GRIP1: variants seen among roughly 807,000 people sequenced by gnomAD.
GRIP1 encodes the protein glutamate receptor interacting protein 1.
In GRIP1, 45 loss-of-function variants were observed where a neutral mutation model predicts 129.9. The ratio of observed to expected loss-of-function variants is 0.35; its 90% CI spans 0.27 to 0.44. The LOEUF (loss-of-function observed/expected upper bound fraction) is 0.44. GRIP1 is among the 20% of genes least tolerant of loss of function. The pLI, the probability that GRIP1 is intolerant of heterozygous loss-of-function variation, is 1.00. For synonymous variants in GRIP1, 530 were observed against 520.8 expected, an observed-to-expected ratio of 1.02 and a Z score of -0.24; for missense variants, 1,196 against 1,396.8, an observed-to-expected ratio of 0.86 and a Z score of 2.29.
At chr12:66,496,939 A>G in intron 7 of GRIP1, among the ~76,000 whole-genome samples, 1 of 152,168 alleles carries the variant, frequency 6.6e-6, no homozygotes, top group Non-Finnish European at 1.5e-5. Flanking sequence ...GAGAGGATGA[A>G]TAAGAATACA....
intron 1 of GRIP1, among the ~76,000 whole-genome samples, chr12:66,598,218 G>A (rs554029597): frequency 7.2e-5 from 11 of 152,250 alleles, no homozygotes; most frequent in African/African-American, 2.4e-4. Flanking sequence ...TCTCTAGGAT[G>A]AACTTCTGGT....
chr12:66,398,657 TCAAA>T (rs1303612324), intron 16 of GRIP1, among the ~76,000 whole-genome samples: 1 of 151,966 alleles, frequency 6.6e-6, no homozygotes, highest in East Asian at 1.9e-4. Context: ...ATTCTTGCTC[TCAAA>T]CAAGGAGAAG....
At chr12:67,005,975 A>G (rs1367244213) in intron 1 of GRIP1, among the ~76,000 whole-genome samples, 1 of 152,180 alleles carries the variant, frequency 6.6e-6, no homozygotes, top group Non-Finnish European at 1.5e-5. Context: ...TAAACCTTAA[A>G]TCTCCATTGC....
intron 1 of GRIP1, among the ~76,000 whole-genome samples, chr12:66,839,343 C>T (rs920904876): frequency 1.3e-5 from 2 of 152,032 alleles, no homozygotes; most frequent in African/African-American, 4.8e-5. Flanking sequence ...CAGATGACTC[C>T]TATGTCACCT....
chr12:66,379,457 T>C, intron 19 of GRIP1, 21 bp from the exon 20 acceptor site: 1 of 1,612,932 alleles, frequency 6.2e-7, no homozygotes, highest in South Asian at 1.1e-5. Flanking sequence ...AACAAGGTGT[T>C]AGCATTGGGC....
chr12:66,889,668 A>G (rs75549663), intron 1 of GRIP1, among the ~76,000 whole-genome samples: 2,479 of 152,322 alleles, frequency 0.016, 82 homozygotes, highest in African/African-American at 0.056. Context: ...ATCAAAGTTA[A>G]TATCAATTTT....
intron 14 of GRIP1, among the ~76,000 whole-genome samples, chr12:66,423,818 G>T (rs539037168): frequency 7.9e-5 from 12 of 152,208 alleles, no homozygotes; most frequent in African/African-American, 2.4e-4. Flanking sequence ...CAAGAGTGTG[G>T]TTAAGAAGAA....
intron 1 of GRIP1, among the ~76,000 whole-genome samples, chr12:66,616,331 T>C (rs1240720211): frequency 6.6e-6 from 1 of 152,096 alleles, no homozygotes. Context: ...TTTAACAAAT[T>C]AACATGTTAA....
At chr12:67,009,649 C>T (rs2135711092) in intron 1 of GRIP1, among the ~76,000 whole-genome samples, 1 of 152,260 alleles carries the variant, frequency 6.6e-6, no homozygotes, top group East Asian at 1.9e-4. Flanking sequence ...TGTGAAAGTC[C>T]TTCATTCCTC....
At chr12:66,469,516 G>A (rs924795368) in intron 7 of GRIP1, among the ~76,000 whole-genome samples, 1 of 152,066 alleles carries the variant, frequency 6.6e-6, no homozygotes, top group South Asian at 2.1e-4. Flanking sequence ...GAGTTTGGAG[G>A]GATGGCTTCC....
chr12:66,779,165 GC>G (rs1340255658), intron 1 of GRIP1, among the ~76,000 whole-genome samples: 1 of 152,144 alleles, frequency 6.6e-6, no homozygotes. Flanking sequence ...GATTTAAGTT[GC>G]CCAAGGACAA....
rs2037444903 is a variant in GRIP1, at chr12:66,760,623, A to G, written c.-420+43430T>C. ...AGTTACCTTCCTGTGGGTTCCTCCC[A>G]CAAAGTGTGGGAATTCTGGGAGATA... On this transcript the variant is annotated intron_variant, in intron 1 of 4. Coordinates refer to the GRIP1 transcript ENST00000538373. Among the ~76,000 whole-genome samples, 5 of 152,212 alleles carry G rather than the reference A, an allele frequency of 3.3e-5. No individual in the cohort carries two copies. The South Asian group carries it at 1.0e-3, about 32-fold the overall frequency.
chr12:66,732,303 T>TGTGAGG (rs2036463484), intron 1 of GRIP1, among the ~76,000 whole-genome samples: 1 of 152,096 alleles, frequency 6.6e-6, no homozygotes, highest in Non-Finnish European at 1.5e-5. Context: ...GTAATCCCAG[T>TGTGAGG]ACTTTGAGGG....
rs548343878 is a variant in GRIP1, at chr12:66,373,999, T to C, written c.2779-2072A>G. ...CTCAGTCAAATGTTAGGTTGAATCATATAAAACTTCCTTTTTAGTAGGTAG... is the reference window on the plus strand; with the variant it reads ...CTCAGTCAAATGTTAGGTTGAATCACATAAAACTTCCTTTTTAGTAGGTAG... On this transcript the variant is annotated intron_variant, in intron 22 of 24. Coordinates refer to ENST00000359742, the MANE Select transcript of GRIP1 (RefSeq NM_001366722.1). 3.3e-5 allele frequency among the ~76,000 whole-genome samples: 5 copies of C among 152,314 alleles called. No individual in the cohort carries two copies. In the South Asian group the frequency reaches 1.0e-3, roughly 32 times the overall value.
intron 2 of GRIP1, among the ~76,000 whole-genome samples, chr12:66,586,953 A>G (rs1287187274): frequency 6.6e-6 from 1 of 152,158 alleles, no homozygotes; most frequent in African/African-American, 2.4e-5. Context: ...ATTAACCCCT[A>G]CAATGGCTTC....
chr12:66,716,007 G>C (rs984728762), intron 1 of GRIP1, among the ~76,000 whole-genome samples: 3 of 151,830 alleles, frequency 2.0e-5, no homozygotes, highest in Admixed American at 6.6e-5. Context: ...TTTCTGCTAA[G>C]GAAGATTTGC....
chr12:66,737,336 T>G (rs2036637526), intron 1 of GRIP1, among the ~76,000 whole-genome samples: 1 of 152,126 alleles, frequency 6.6e-6, no homozygotes, highest in African/African-American at 2.4e-5. Flanking sequence ...TAGGCTGGAG[T>G]GCAGTGGCGC....
chr12:66,457,243 T>G (rs144227979), intron 9 of GRIP1, among the ~76,000 whole-genome samples: 192 of 152,306 alleles, frequency 1.3e-3, no homozygotes, highest in African/African-American at 4.3e-3. Flanking sequence ...TTTAATAATC[T>G]TAAAGAACTC....
At chr12:66,601,411 T>A (rs1201207792) in intron 1 of GRIP1, among the ~76,000 whole-genome samples, 2 of 152,194 alleles carry the variant, frequency 1.3e-5, no homozygotes, top group African/African-American at 4.8e-5. Flanking sequence ...TCAAACAGCA[T>A]CCTTGTGTCA....
Sources: allele counts gnomAD v4.1 joint callset (sites outside exome capture counted in the v4.1 genomes callset), GRCh38; gene constraint gnomAD v4.1.1; transcripts MANE v1.5; gene names NCBI Gene and HGNC (gene_info 2026-07-23, HGNC 2026-07-21).